The following STARD13 variants were observed in gnomAD, a reference collection of about 807,000 sequenced individuals.
STARD13 encodes StAR related lipid transfer domain containing 13, also known as stAR-related lipid transfer protein 13.
In STARD13, 62 loss-of-function variants were observed where a neutral mutation model predicts 106.4. The observed-to-expected ratio is 0.58, with a 90% confidence interval of 0.48 to 0.72. STARD13 has a LOEUF of 0.72. Among genes scored for constraint, STARD13 ranks in the 30% least tolerant of loss-of-function variants. The probability of loss-of-function intolerance (pLI) is 0.00; values close to 1 mark genes in which losing one functional copy is unlikely to be tolerated. For missense variants in STARD13, 1,387 were observed against 1,424.0 expected (o/e 0.97, Z 0.42); for synonymous variants, 565 against 553.0 (o/e 1.02, Z -0.31).
chr13:33,519,208 TTTTCTTTCTTTCTTTCTTTCTTTC>T, the STARD13 span, among the ~76,000 whole-genome samples: 13 of 101,590 alleles, frequency 1.3e-4, no homozygotes, highest in Middle Eastern at 4.3e-3. Flanking sequence ...CTTGGTAATT[TTTTCTTTCTTTCTTTCTTTCTTTC>T]TTTCTTTCTT....
chr13:33,407,877 A>G, the STARD13 span, among the ~76,000 whole-genome samples: 4 of 152,226 alleles, frequency 2.6e-5, no homozygotes, highest in South Asian at 6.2e-4. Context: ...ATGCCCCTTC[A>G]TGTTACCCCT....
chr13:33,366,226 T>C, the STARD13 span, among the ~76,000 whole-genome samples: 1 of 152,164 alleles, frequency 6.6e-6, no homozygotes, highest in Non-Finnish European at 1.5e-5. The surrounding 1 kb of genome is among the most constrained non-coding windows in gnomAD (Gnocchi z 4.2). Flanking sequence ...TTGCAAATAA[T>C]ACTTCTTGCC....
At chr13:33,559,755 G>A in the STARD13 span, among the ~76,000 whole-genome samples, 1 of 151,456 alleles carries the variant, frequency 6.6e-6, no homozygotes, top group African/African-American at 2.5e-5. Context: ...TACTTGGGAG[G>A]TGGAGGCAAG....
the STARD13 span, among the ~76,000 whole-genome samples, chr13:33,360,256 G>A: frequency 6.6e-6 from 1 of 151,056 alleles, no homozygotes; most frequent in East Asian, 2.1e-4. Flanking sequence ...CCAGGCTGTA[G>A]TGCCATGGCG....
At chr13:33,602,715 C>T in the STARD13 span, among the ~76,000 whole-genome samples, 1 of 152,202 alleles carries the variant, frequency 6.6e-6, no homozygotes, top group Non-Finnish European at 1.5e-5. Context: ...GCAAGCATTA[C>T]TGCCTGAGCT....
intron 1 of STARD13, among the ~76,000 whole-genome samples, chr13:33,179,721 C>T (rs556743188): frequency 1.3e-5 from 2 of 152,150 alleles, no homozygotes; most frequent in Admixed American, 1.3e-4. Flanking sequence ...CAGGCACTAC[C>T]ACAACCAAAG....
the STARD13 span, among the ~76,000 whole-genome samples, chr13:33,495,934 TATA>T: frequency 3.5e-5 from 5 of 143,780 alleles, no homozygotes; most frequent in Non-Finnish European, 6.0e-5. Flanking sequence ...TATTATTGTA[TATA>T]ATTATATTAT....
At chr13:33,542,607 CCCGCTGGCGCCGCCCCG>C in the STARD13 span, among the ~76,000 whole-genome samples, 1 of 152,214 alleles carries the variant, frequency 6.6e-6, no homozygotes, top group South Asian at 2.1e-4. Flanking sequence ...GCAACCAGGG[CCCGCTGGCGCCGCCCCG>C]GGTTTCCGCT....
the STARD13 span, among the ~76,000 whole-genome samples, chr13:33,577,981 C>T: frequency 1.3e-5 from 2 of 152,084 alleles, no homozygotes; most frequent in South Asian, 4.1e-4. Flanking sequence ...AACTACAAAA[C>T]ACTGCTGAAA....
At chr13:33,338,620 C>T (rs1279453745) in intron 1 of STARD13, among the ~76,000 whole-genome samples, 1 of 151,962 alleles carries the variant, frequency 6.6e-6, no homozygotes, top group African/African-American at 2.4e-5. Flanking sequence ...AGCTGAATGT[C>T]TTAGTTCTTG....
the STARD13 span, chr13:33,676,770 T>C: frequency 5.9e-5 from 9 of 152,296 alleles, no homozygotes; most frequent in African/African-American, 1.9e-4. Flanking sequence ...TCATCTGTCA[T>C]AGCACTCCAC....
At chr13:33,406,177 C>A in the STARD13 span, among the ~76,000 whole-genome samples, 54 of 152,316 alleles carry the variant, frequency 3.5e-4, 1 homozygote, top group East Asian at 5.6e-3. Flanking sequence ...TGTTACCAAA[C>A]AGATTTGAAA....
chr13:33,185,793 T>C, intron 1 of STARD13: 2 of 1,359,276 alleles, frequency 1.5e-6, no homozygotes, highest in Non-Finnish European at 2.1e-6. Flanking sequence ...ACCTGACCAC[T>C]GCCACTGAGG....
chr13:33,119,674 A>C (rs1875964382), intron 7 of STARD13, among the ~76,000 whole-genome samples: 1 of 152,232 alleles, frequency 6.6e-6, no homozygotes, highest in Non-Finnish European at 1.5e-5. Context: ...TAAAAACAGA[A>C]TTCTTAGTAA....
At chr13:33,142,284 A>T (rs773041452) in intron 4 of STARD13, 26 bp downstream of exon 4, 25 of 1,594,390 alleles carry the variant, frequency 1.6e-5, no homozygotes, top group Non-Finnish European at 2.1e-5. Context: ...GCATAGCCAC[A>T]TTCTTATTAA....
the STARD13 span, among the ~76,000 whole-genome samples, chr13:33,614,917 G>A: frequency 6.6e-6 from 1 of 152,132 alleles, no homozygotes; most frequent in Admixed American, 6.5e-5. Context: ...CCAACCAGTA[G>A]GATTTCATTC....
the STARD13 span, among the ~76,000 whole-genome samples, chr13:33,400,870 A>G: frequency 6.6e-6 from 1 of 151,950 alleles, no homozygotes; most frequent in Non-Finnish European, 1.5e-5. Flanking sequence ...ATAATACTTC[A>G]ATAAAATTGG....
chr13:33,183,471 T>A (rs1178000697), intron 1 of STARD13, among the ~76,000 whole-genome samples: 1 of 152,244 alleles, frequency 6.6e-6, no homozygotes, highest in Non-Finnish European at 1.5e-5. Flanking sequence ...CTTTTTTCTC[T>A]CTTGGTCTGA....
chr13:33,542,525 G>A, the STARD13 span, among the ~76,000 whole-genome samples: 286 of 152,324 alleles, frequency 1.9e-3, no homozygotes, highest in African/African-American at 6.4e-3. Flanking sequence ...CCGCGCCTAC[G>A]TCCCCAAAGT....
Sources: allele counts gnomAD v4.1 joint callset (sites outside exome capture counted in the v4.1 genomes callset), GRCh38; gene constraint gnomAD v4.1.1; non-coding constraint Gnocchi (gnomAD v3.1); transcripts MANE v1.5; gene names NCBI Gene and HGNC (gene_info 2026-07-23, HGNC 2026-07-21).